The following PLCZ1 variants were observed in gnomAD, a reference collection of about 807,000 sequenced individuals.
PLCZ1 encodes phospholipase C zeta 1, also known as 1-phosphatidylinositol 4,5-bisphosphate phosphodiesterase zeta-1.
In PLCZ1, 64 loss-of-function variants were observed where a neutral mutation model predicts 76.8. The observed-to-expected ratio is 0.83, with a 90% CI of 0.68 to 1.03. The LOEUF (loss-of-function observed/expected upper bound fraction) is 1.03. Ranked by LOEUF, PLCZ1 falls within the 50% of genes least tolerant of loss-of-function variation. PLCZ1 has a pLI of 0.00. For missense variants in PLCZ1, 751 were observed against 713.7 expected (o/e 1.05, Z -0.60); for synonymous variants, 248 against 230.8 (o/e 1.07, Z -0.68).
At chr12:18,705,871 T>C (rs184092612) in intron 6 of PLCZ1, among the ~76,000 whole-genome samples, 41 of 149,748 alleles carry the variant, frequency 2.7e-4, no homozygotes, top group Admixed American at 5.3e-4. Flanking sequence ...ATCTCAAAAA[T>C]AACAATAATA....
intron 4 of PLCZ1, among the ~76,000 whole-genome samples, chr12:18,720,848 T>G (rs1958397685): frequency 6.6e-6 from 1 of 151,944 alleles, no homozygotes; most frequent in South Asian, 2.1e-4. Context: ...TATGATACAA[T>G]ACTAAGCAGC....
At chr12:18,663,905 A>T in the PLCZ1 span, among the ~76,000 whole-genome samples, 1 of 152,204 alleles carries the variant, frequency 6.6e-6, no homozygotes, top group Non-Finnish European at 1.5e-5. Flanking sequence ...AATAACCAAT[A>T]GCCAAACAAC....
At chr12:18,678,917 A>G (rs1041277115), downstream of PLCZ1, among the ~76,000 whole-genome samples, 1 of 152,058 alleles carries the variant, frequency 6.6e-6, no homozygotes, top group Non-Finnish European at 1.5e-5. Context: ...GAAATGGTCA[A>G]ACTGTTTTCA....
chr12:18,671,348 C>T, the PLCZ1 span, among the ~76,000 whole-genome samples: 2 of 151,760 alleles, frequency 1.3e-5, no homozygotes, highest in Non-Finnish European at 2.9e-5. Flanking sequence ...AATCCACAAT[C>T]GAGTAAGTAC....
intron 3 of PLCZ1, among the ~76,000 whole-genome samples, chr12:18,727,350 A>T (rs1958813081): frequency 1.3e-5 from 2 of 152,024 alleles, no homozygotes; most frequent in Non-Finnish European, 2.9e-5. Flanking sequence ...CTTTTCTCTA[A>T]TTTTTTTAAC....
chr12:18,729,375 T>C (rs887035853), intron 3 of PLCZ1, among the ~76,000 whole-genome samples: 1 of 152,100 alleles, frequency 6.6e-6, no homozygotes, highest in Non-Finnish European at 1.5e-5. Flanking sequence ...TCAGATTCCC[T>C]GTATTACCCA....
At chr12:18,674,401 T>TG in the PLCZ1 span, among the ~76,000 whole-genome samples, 71,127 of 151,928 alleles carry the variant, frequency 0.47, 17,418 homozygotes, top group South Asian at 0.61. Flanking sequence ...TTTATGACAG[T>TG]GGAAGCGTGT....
At chr12:18,703,264 C>G (rs1280271307) in intron 7 of PLCZ1, among the ~76,000 whole-genome samples, 2 of 152,164 alleles carry the variant, frequency 1.3e-5, no homozygotes, top group Non-Finnish European at 2.9e-5. Flanking sequence ...ATTTATCACA[C>G]AGTTCATTTT....
At chr12:18,693,810 G>A in intron 12 of PLCZ1, 2 of 1,522,296 alleles carry the variant, frequency 1.3e-6, no homozygotes, top group Non-Finnish European at 1.8e-6. Flanking sequence ...ATCAGACCAG[G>A]CCGCATTGGC....
chr12:18,712,568 C>T (rs1957466901), intron 6 of PLCZ1, among the ~76,000 whole-genome samples: 1 of 152,048 alleles, frequency 6.6e-6, no homozygotes, highest in Non-Finnish European at 1.5e-5. Flanking sequence ...CCATCATCCA[C>T]AATAATAAAT....
At chr12:18,701,603 T>A (rs777855909) in intron 8 of PLCZ1, 35 bp from the exon 9 acceptor site, 1 of 1,592,634 alleles carries the variant, frequency 6.3e-7, no homozygotes, top group Non-Finnish European at 8.5e-7. Context: ...ATTCTTTGAA[T>A]TTATCCTCCT....
chr12:18,689,921 G>C (rs2137105249), intron 12 of PLCZ1, among the ~76,000 whole-genome samples: 1 of 152,166 alleles, frequency 6.6e-6, no homozygotes, highest in South Asian at 2.1e-4. Flanking sequence ...TAGAGTGATA[G>C]AGGCAACAGA....
chr12:18,658,563 G>A, the PLCZ1 span, among the ~76,000 whole-genome samples: 90,165 of 151,804 alleles, frequency 0.59, 26,908 homozygotes, highest in Middle Eastern at 0.76. Context: ...TCAACCAAGA[G>A]ATCTATATTT....
At chr12:18,731,749 G>T (rs537329283) in intron 3 of PLCZ1, among the ~76,000 whole-genome samples, 2 of 151,966 alleles carry the variant, frequency 1.3e-5, no homozygotes, top group East Asian at 3.9e-4. Context: ...CTATTGATCT[G>T]GATTGGCCAG....
At chr12:18,733,546 C>A (rs2150762422) in intron 3 of PLCZ1, among the ~76,000 whole-genome samples, 2 of 152,184 alleles carry the variant, frequency 1.3e-5, no homozygotes, top group Middle Eastern at 6.8e-3. Context: ...CTTGCCAAGC[C>A]CAATGTCAAA....
the PLCZ1 span, among the ~76,000 whole-genome samples, chr12:18,670,082 G>A: frequency 1.3e-5 from 2 of 152,090 alleles, no homozygotes; most frequent in Non-Finnish European, 2.9e-5. Flanking sequence ...CCCATTGGGA[G>A]TTAGGGCTTC....
chr12:18,667,049 G>C, the PLCZ1 span, among the ~76,000 whole-genome samples: 16 of 152,082 alleles, frequency 1.1e-4, no homozygotes, highest in African/African-American at 3.9e-4. Context: ...CAGACAGAGT[G>C]CATCCTCAAT....
In PLCZ1 at chr12:18,713,968, G is replaced by A. The variant is rs564043623; in HGVS notation, c.570-982C>T. ...GACAGGATGCTTTATTAGCACATATGCTTTTATTTACTCTGTGTCAGTGGA... is the reference window on the plus strand; with the variant it reads ...GACAGGATGCTTTATTAGCACATATACTTTTATTTACTCTGTGTCAGTGGA... On this transcript the variant is annotated intron_variant, in intron 5 of 14. Coordinates refer to ENST00000266505, the MANE Select transcript of PLCZ1 (RefSeq NM_033123.4). 2.6e-5 allele frequency: 4 copies of A among 152,238 alleles called. No individual in the cohort carries two copies. The East Asian group carries it at 7.7e-4, about 29-fold the overall frequency. 9.4% of individuals were successfully genotyped at this position (152,238 alleles called of 1,614,324 possible). A position where few individuals can be genotyped will look rare whatever the true frequency, so the allele number is the denominator to read the frequency against.
chr12:18,698,472 G>C (rs1264400878), intron 10 of PLCZ1, among the ~76,000 whole-genome samples: 4 of 152,058 alleles, frequency 2.6e-5, no homozygotes, highest in Non-Finnish European at 5.9e-5. Context: ...ATGAACTAAA[G>C]TATACTTCAA....
Sources: gnomAD v4.1 joint callset for allele counts (sites outside exome capture counted in the v4.1 genomes callset) on GRCh38, gnomAD v4.1.1 for gene constraint, MANE v1.5 for transcripts, NCBI Gene and HGNC (gene_info 2026-07-23, HGNC 2026-07-21) for gene names.